Variants in SULF1 observed in about 807,000 individuals in gnomAD.
SULF1 encodes sulfatase 1, also known as extracellular sulfatase Sulf-1.
A neutral mutation model predicts 110.5 loss-of-function variants in SULF1; 46 were observed. The observed-to-expected ratio is 0.42, with a 90% CI of 0.33 to 0.53. SULF1 has a LOEUF of 0.53. Among genes scored for constraint, SULF1 ranks in the 20% least tolerant of loss-of-function variants. SULF1 has a pLI of 0.12. For missense variants in SULF1, 941 were observed against 1,094.2 expected, an observed-to-expected ratio of 0.86 and a Z score of 1.98; for synonymous variants, 371 against 387.1, an observed-to-expected ratio of 0.96 and a Z score of 0.49.
intron 22 of SULF1, among the ~76,000 whole-genome samples, chr8:69,647,502 T>C (rs1812010561): frequency 6.6e-6 from 1 of 152,204 alleles, no homozygotes; most frequent in South Asian, 2.1e-4. Flanking sequence ...AATTCATCCA[T>C]AAAATTATGT....
chr8:69,641,986 T>G (rs141800394), intron 22 of SULF1, among the ~76,000 whole-genome samples: 5 of 152,162 alleles, frequency 3.3e-5, no homozygotes, highest in African/African-American at 1.2e-4. Context: ...CAGGCAGGTC[T>G]GCCACCCGAA....
At chr8:69,506,899 C>G (rs1441197) in intron 3 of SULF1, among the ~76,000 whole-genome samples, 52,154 of 152,150 alleles carry the variant, frequency 0.34, 9,182 homozygotes, top group Non-Finnish European at 0.37. Context: ...ATGAAATCAG[C>G]TCACACAACA....
At chr8:69,598,928 T>C (rs1807563653) in intron 8 of SULF1, among the ~76,000 whole-genome samples, 1 of 152,164 alleles carries the variant, frequency 6.6e-6, no homozygotes, top group Admixed American at 6.5e-5. Context: ...CAGGGTAACT[T>C]TGTCAACCAA....
chr8:69,596,737 C>T (rs1483007839), intron 8 of SULF1, among the ~76,000 whole-genome samples: 6 of 152,172 alleles, frequency 3.9e-5, no homozygotes, highest in South Asian at 2.1e-4. Flanking sequence ...GTGCACTTTA[C>T]TTCCTCATTT....
chr8:69,518,747 G>A (rs1369861889), intron 3 of SULF1, among the ~76,000 whole-genome samples: 3 of 152,128 alleles, frequency 2.0e-5, no homozygotes, highest in Non-Finnish European at 2.9e-5. Flanking sequence ...GAACTTGAGG[G>A]CCGACTGGCT....
At chr8:69,478,967 C>A (rs1238116503) in intron 1 of SULF1, among the ~76,000 whole-genome samples, 3 of 152,178 alleles carry the variant, frequency 2.0e-5, no homozygotes, top group Non-Finnish European at 4.4e-5. Flanking sequence ...TAATCAGCAG[C>A]ACATTCACAA....
rs559338602 is a variant in SULF1 at position 69,659,735 on chromosome 8, G to C, written c.*1200G>C. On this transcript the variant is annotated 3_prime_UTR_variant, in exon 23 of 23. Transcript: ENST00000402687. ...TCCACTGCCTGCGTAATGAAGTTTT[G>C]ATTCATTTTTAACCACTGGAATTTT... 8 of 153,230 alleles carry C rather than the reference G, an allele frequency of 5.2e-5. No individual in the cohort carries two copies. The highest frequency in any genetic ancestry group is 1.7e-4 in the African/African-American group (7 of 41,536). 9.5% of individuals were successfully genotyped at this position (153,230 alleles called of 1,614,324 possible).
At chr8:69,615,233 G>T (rs1238372378) in intron 13 of SULF1, among the ~76,000 whole-genome samples, 1 of 152,120 alleles carries the variant, frequency 6.6e-6, no homozygotes, top group Admixed American at 6.5e-5. Flanking sequence ...CTATTTAAAT[G>T]GCTTGCTTCA....
chr8:69,660,672 C>T lies in SULF1; in HGVS notation c.*2137C>T, dbSNP rs1304601043. On this transcript the variant is annotated 3_prime_UTR_variant, in exon 23 of 23. Transcript: ENST00000402687. ...CTTTTTGGTAACTTTAAATCTTTAT[C>T]ATAGACTCTGTACATATGTTCAAAT... 10 of 152,486 alleles carry T rather than the reference C, an allele frequency of 6.6e-5. No homozygotes were observed. Among genetic ancestry groups the T allele is most frequent in the Non-Finnish European group, 1.3e-4 (9 of 67,996 alleles). 9.4% of individuals were successfully genotyped at this position (152,486 alleles called of 1,614,324 possible). A position where few individuals can be genotyped will look rare whatever the true frequency, so the allele number is the denominator to read the frequency against.
chr8:69,502,680 C>CTTTCTTTTTCTTTTTTTTTTTTTTTT (rs1810890406), intron 3 of SULF1, among the ~76,000 whole-genome samples: 1 of 116,500 alleles, frequency 8.6e-6, no homozygotes, highest in Non-Finnish European at 1.8e-5. Flanking sequence ...TTTTCTTTTT[C>CTTTCTTTTTCTTTTTTTTTTTTTTTT]TTTTTTTTTC....
At chr8:69,557,525 T>C (rs1343924338) in intron 3 of SULF1, among the ~76,000 whole-genome samples, 1 of 152,160 alleles carries the variant, frequency 6.6e-6, no homozygotes, top group Non-Finnish European at 1.5e-5. Flanking sequence ...TTCTCACTCT[T>C]CAACCCTCAC....
intron 1 of SULF1, among the ~76,000 whole-genome samples, chr8:69,476,387 A>G (rs556521261): frequency 1.1e-3 from 164 of 152,252 alleles, no homozygotes; most frequent in African/African-American, 3.7e-3. Context: ...TACTAAATCA[A>G]TGGGCAGTTT....
chr8:69,653,284 A>G (rs4738012), intron 22 of SULF1, among the ~76,000 whole-genome samples: 60,641 of 151,792 alleles, frequency 0.4, 12,324 homozygotes, highest in African/African-American at 0.47. Context: ...TGCCCAGGCT[A>G]CTGTTAAACT....
intron 3 of SULF1, among the ~76,000 whole-genome samples, chr8:69,513,409 T>C (rs1811709316): frequency 6.6e-6 from 1 of 152,222 alleles, no homozygotes; most frequent in African/African-American, 2.4e-5. Flanking sequence ...TAAAGAGCTG[T>C]TGTGAAAGGC....
chr8:69,652,405 GT>G (rs1812411133), intron 22 of SULF1, among the ~76,000 whole-genome samples: 1 of 152,274 alleles, frequency 6.6e-6, no homozygotes. Context: ...GAGTTTGGAA[GT>G]TTTCTTGAGT....
intron 22 of SULF1, among the ~76,000 whole-genome samples, chr8:69,651,878 A>G (rs538939579): frequency 9.5e-4 from 145 of 152,274 alleles, no homozygotes; most frequent in African/African-American, 3.3e-3. Context: ...GCTGTAATAA[A>G]TTACCACTGT....
intron 4 of SULF1, 118 bp downstream of exon 4, chr8:69,563,729 A>G (rs1175098330): frequency 2.4e-6 from 1 of 415,300 alleles, no homozygotes; most frequent in Non-Finnish European, 4.3e-6. Flanking sequence ...TGAATTTGCA[A>G]AATAATCAAG....
At chr8:69,573,073 C>T (rs1327347548) in intron 5 of SULF1, among the ~76,000 whole-genome samples, 1 of 152,186 alleles carries the variant, frequency 6.6e-6, no homozygotes, top group Non-Finnish European at 1.5e-5. Context: ...GTGATTTGCC[C>T]ACCTTGGCCT....
chr8:69,629,201 T>C (rs1810332365), intron 18 of SULF1, among the ~76,000 whole-genome samples: 1 of 152,104 alleles, frequency 6.6e-6, no homozygotes, highest in Non-Finnish European at 1.5e-5. Context: ...ATCCAGCTAA[T>C]TTTTATATTT....
Sources: allele counts gnomAD v4.1 joint callset (sites outside exome capture counted in the v4.1 genomes callset), GRCh38; gene constraint gnomAD v4.1.1; transcripts MANE v1.5; gene names NCBI Gene and HGNC (gene_info 2026-07-23, HGNC 2026-07-21).